The following NUP133 variants were observed in gnomAD, a reference collection of about 807,000 sequenced individuals.
NUP133 encodes the protein nucleoporin 133, also known as nuclear pore complex protein Nup133.
NUP133 carries 66 observed loss-of-function variants against 146.2 expected under a neutral mutation model. That is an observed-to-expected ratio of 0.45 (90% CI 0.37 to 0.55). The LOEUF (loss-of-function observed/expected upper bound fraction) is 0.55, where lower values mean the gene tolerates loss of function less well. Among genes scored for constraint, NUP133 ranks in the 20% least tolerant of loss-of-function variants. NUP133 has a pLI of 0.00. For missense variants in NUP133, 1,277 were observed against 1,374.8 expected, an observed-to-expected ratio of 0.93 and a Z score of 1.12; for synonymous variants, 521 against 498.8, an observed-to-expected ratio of 1.04 and a Z score of -0.59.
intron 1 of NUP133, chr1:229,507,843 G>T: frequency 1.1e-6 from 1 of 880,282 alleles, no homozygotes; most frequent in Non-Finnish European, 1.4e-6. Context: ...CTTCACTTCT[G>T]CACAAAGGTA....
Position 229,486,317 on chromosome 1 carries a change from A to C in NUP133, c.1500+54T>G, listed in dbSNP as rs1463064308. On this transcript the variant is annotated intron_variant, in intron 11 of 25. Coordinates refer to ENST00000261396, the MANE Select transcript of NUP133 (RefSeq NM_018230.3). ...AGCCTGGGTGACAGCGTGAGACACTATCTCTAAAAAATAAATAACATAAAA... is the reference window on the plus strand; with the variant it reads ...AGCCTGGGTGACAGCGTGAGACACTCTCTCTAAAAAATAAATAACATAAAA... 2.0e-6 allele frequency: 3 copies of C among 1,482,666 alleles called. 1 individual carries two copies. Among genetic ancestry groups the C allele is most frequent in the African/African-American group, 3.4e-5 (2 of 59,470 alleles). The allele number at this position is 1,482,666 out of a possible 1,614,324, so 91.8% of individuals were successfully genotyped here. A position where few individuals can be genotyped will look rare whatever the true frequency, so the allele number is the denominator to read the frequency against.
rs778877016 is a variant in NUP133 at position 229,450,513 on chromosome 1, A to C, written c.3180+12T>G. On this transcript the variant is annotated intron_variant, in intron 23 of 25. Transcript: ENST00000261396. ...TCAGTTGCCTGAGATCATCTCAAGC[A>C]ATTTTACTTACCTCATCAATATATT... The C allele has an allele frequency of 1.4e-6, 2 of 1,467,004 alleles. No individual in the cohort carries two copies. Among genetic ancestry groups the C allele is most frequent in the East Asian group, 2.3e-5 (1 of 43,050 alleles). 90.9% of individuals were successfully genotyped at this position (1,467,004 alleles called of 1,614,324 possible). A position where few individuals can be genotyped will look rare whatever the true frequency, so the allele number is the denominator to read the frequency against.
At chr1:229,489,102 C>G (rs532189613) in intron 9 of NUP133, among the ~76,000 whole-genome samples, 1 of 152,182 alleles carries the variant, frequency 6.6e-6, no homozygotes, top group South Asian at 2.1e-4. Flanking sequence ...ATACAAGGCT[C>G]TAAACCAAAC....
At chr1:229,502,161 G>T in intron 2 of NUP133, 59 bp from the exon 3 acceptor site, 2 of 1,284,280 alleles carry the variant, frequency 1.6e-6, no homozygotes, top group Non-Finnish European at 1.1e-6. Context: ...ATTACCACAC[G>T]CTTTATCAAA....
chr1:229,483,067 G>A (rs183093687), intron 12 of NUP133, among the ~76,000 whole-genome samples: 517 of 152,266 alleles, frequency 3.4e-3, no homozygotes, highest in African/African-American at 9.6e-3. Flanking sequence ...GTGATTTTGC[G>A]TAAAGCAAAA....
chr1:229,449,170 A>G lies in NUP133; in HGVS notation c.3201T>C (p.Asn1067=). 6.2e-7 allele frequency: 1 copy of G among 1,609,342 alleles called. No individual in the cohort carries two copies. Among genetic ancestry groups the G allele is most frequent in the Non-Finnish European group, 8.5e-7 (1 of 1,176,826 alleles). Residue 1067 remains asparagine (N), a synonymous_variant, in exon 24 of 26, where the codon AAT becomes AAC. Transcript: ENST00000261396. Reference sequence around the variant, plus strand: ...TGCAAAGGATTTCCAGTTTTAGATCATTTATATTTATATCTTCTTCCTTCA... The same window carrying G: ...TGCAAAGGATTTCCAGTTTTAGATCGTTTATATTTATATCTTCTTCCTTCA... ...YIDEEEDINI[N]DLKLEILCKA... is the part of the protein sequence containing the mutation.
chr1:229,505,734 A>G (rs1257379358), intron 2 of NUP133, among the ~76,000 whole-genome samples: 1 of 151,906 alleles, frequency 6.6e-6, no homozygotes, highest in Non-Finnish European at 1.5e-5. Context: ...TAAAAATACA[A>G]AAAATTAGCT....
chr1:229,483,853 T>A (rs1661281815), intron 12 of NUP133, among the ~76,000 whole-genome samples: 1 of 152,048 alleles, frequency 6.6e-6, no homozygotes, highest in South Asian at 2.1e-4. Flanking sequence ...CCATGTTTTT[T>A]CCCTAACCTA....
chr1:229,464,875 G>C lies in NUP133; in HGVS notation c.2300C>G (p.Ala767Gly). 1 of 1,613,666 alleles carries C rather than the reference G, an allele frequency of 6.2e-7. No homozygotes were observed. The highest frequency in any genetic ancestry group is 8.5e-7 in the Non-Finnish European group (1 of 1,179,610). The change falls in exon 18 of 26, where the codon GCA (alanine) becomes GGA (glycine). Residue 767 changes from alanine (A) to glycine (G), a missense_variant and splice_region_variant. Around this residue, in one of 3 missense-constraint regions of NUP133, gnomAD observed 952 missense variants for 1,047.0 expected, o/e 0.91. Coordinates refer to ENST00000261396, the MANE Select transcript of NUP133 (RefSeq NM_018230.3). Reference protein sequence around the residue: ...EKEPEYVPWTATSGPGGIRTV... With the variant: ...EKEPEYVPWTGTSGPGGIRTV... The stretch of plus-strand genomic sequence containing the variant: ...TCGGATGCCACCAGGACCACTTGTT[G>C]CTGTGAAATTACACAAAATAATATG...
intron 13 of NUP133, among the ~76,000 whole-genome samples, chr1:229,476,025 T>C (rs1010492314): frequency 1.1e-4 from 17 of 151,976 alleles, no homozygotes; most frequent in African/African-American, 3.6e-4. Flanking sequence ...AGAGAATTGC[T>C]TGAACCCGGG....
At chr1:229,484,903 G>A (rs1661310332) in intron 11 of NUP133, among the ~76,000 whole-genome samples, 1 of 151,676 alleles carries the variant, frequency 6.6e-6, no homozygotes, top group African/African-American at 2.4e-5. Context: ...AATCCCTTTT[G>A]TGAAAAGAAA....
intron 24 of NUP133, 59 bp from the exon 25 acceptor site, chr1:229,445,061 G>A: frequency 8.3e-7 from 1 of 1,211,044 alleles, no homozygotes; most frequent in Non-Finnish European, 1.2e-6. Flanking sequence ...TGAATTAAAT[G>A]ATTTGTTTGC....
At chr1:229,459,952 T>C (rs896569332) in intron 20 of NUP133, among the ~76,000 whole-genome samples, 1 of 152,202 alleles carries the variant, frequency 6.6e-6, no homozygotes, top group African/African-American at 2.4e-5. Context: ...TTTCCCATAA[T>C]GGTTGTACTA....
chr1:229,475,894 GGTCAA>G (rs1661063325), intron 13 of NUP133, among the ~76,000 whole-genome samples, 162 bp from the exon 14 acceptor site: 1 of 152,196 alleles, frequency 6.6e-6, no homozygotes, highest in South Asian at 2.1e-4. Flanking sequence ...CAGATCACGA[GGTCAA>G]GAGATCGAGA....
intron 25 of NUP133, among the ~76,000 whole-genome samples, chr1:229,444,204 G>A (rs2102743939): frequency 6.6e-6 from 1 of 152,112 alleles, no homozygotes; most frequent in East Asian, 1.9e-4. Context: ...GGTGGTGCGT[G>A]CCTGTAATCC....
At chr1:229,455,769 C>G (rs1287178865) in intron 21 of NUP133, among the ~76,000 whole-genome samples, 1 of 152,110 alleles carries the variant, frequency 6.6e-6, no homozygotes, top group African/African-American at 2.4e-5. Flanking sequence ...AAATACTCAG[C>G]ATGTATCTCC....
chr1:229,461,657 T>C (rs1660692803), intron 19 of NUP133, among the ~76,000 whole-genome samples: 1 of 151,990 alleles, frequency 6.6e-6, no homozygotes, highest in Non-Finnish European at 1.5e-5. Flanking sequence ...CAGAAAACTA[T>C]GATTCAAGCA....
At chr1:229,479,582 G>A (rs6671853) in intron 12 of NUP133, among the ~76,000 whole-genome samples, 202 of 152,310 alleles carry the variant, frequency 1.3e-3, no homozygotes, top group African/African-American at 4.1e-3. Flanking sequence ...CTCCTCTGTT[G>A]TTGCTTTGAA....
At chr1:229,469,466 A>C (rs1660903618) in intron 15 of NUP133, among the ~76,000 whole-genome samples, 1 of 152,070 alleles carries the variant, frequency 6.6e-6, no homozygotes, top group Admixed American at 6.5e-5. Flanking sequence ...ACAGGATCCT[A>C]GGAGGTAGCT....
Sources: allele counts gnomAD v4.1 joint callset (sites outside exome capture counted in the v4.1 genomes callset), GRCh38; gene constraint gnomAD v4.1.1; regional missense constraint gnomAD v4.1.1; transcripts MANE v1.5; gene names NCBI Gene and HGNC (gene_info 2026-07-23, HGNC 2026-07-21).